The following DENND1A variants were observed in gnomAD, a reference collection of about 807,000 sequenced individuals.
DENND1A encodes the protein DENN domain containing 1A.
Under a neutral mutation model 113.7 loss-of-function variants are expected in DENND1A, and 51 were observed. The observed-to-expected ratio is 0.45, with a 90% CI of 0.36 to 0.57. The LOEUF is 0.57. Ranked by LOEUF, DENND1A falls within the 20% of genes least tolerant of loss-of-function variation. The probability of loss-of-function intolerance (pLI) is 0.00; values close to 1 mark genes in which losing one functional copy is unlikely to be tolerated. For synonymous variants in DENND1A, 565 were observed against 570.8 expected, an observed-to-expected ratio of 0.99 and a Z score of 0.14; for missense variants, 1,258 against 1,395.9, an observed-to-expected ratio of 0.90 and a Z score of 1.57.
intron 7 of DENND1A, among the ~76,000 whole-genome samples, chr9:123,670,873 A>G (rs1244221278): frequency 1.3e-5 from 2 of 152,202 alleles, no homozygotes. Context: ...TTACCCTGGC[A>G]AACAGGGGAG....
chr9:123,678,351 C>G (rs1259708287), intron 5 of DENND1A, among the ~76,000 whole-genome samples: 1 of 152,140 alleles, frequency 6.6e-6, no homozygotes, highest in African/African-American at 2.4e-5. Flanking sequence ...GTATCCACAC[C>G]CCCAAGCAGT....
intron 13 of DENND1A, among the ~76,000 whole-genome samples, chr9:123,507,861 T>G (rs533809829): frequency 6.6e-6 from 1 of 152,010 alleles, no homozygotes; most frequent in African/African-American, 2.4e-5. Flanking sequence ...AATAAATATT[T>G]TTTGTCTTAA....
intron 1 of DENND1A, among the ~76,000 whole-genome samples, chr9:123,923,576 T>C (rs974955308): frequency 3.9e-5 from 6 of 152,224 alleles, no homozygotes. Flanking sequence ...ATTTTGGCAA[T>C]GGGATCCTTT....
chr9:123,566,934 CACACACAA>C (rs1482358240), intron 12 of DENND1A, among the ~76,000 whole-genome samples: 1 of 151,848 alleles, frequency 6.6e-6, no homozygotes, highest in African/African-American at 2.4e-5. Context: ...CACACACACA[CACACACAA>C]ACACACACAC....
chr9:123,645,458 C>T (rs2062267286), intron 9 of DENND1A, among the ~76,000 whole-genome samples: 1 of 152,102 alleles, frequency 6.6e-6, no homozygotes, highest in Non-Finnish European at 1.5e-5. Flanking sequence ...TAAAAAGCCA[C>T]TCTTAAGGAA....
At chr9:123,608,010 G>A (rs1429639173) in intron 11 of DENND1A, among the ~76,000 whole-genome samples, 1 of 151,982 alleles carries the variant, frequency 6.6e-6, no homozygotes, top group Non-Finnish European at 1.5e-5. Flanking sequence ...TTTTTCATAC[G>A]GGAGCTTTGA....
At chr9:123,796,749 G>T (rs1161476023) in intron 2 of DENND1A, among the ~76,000 whole-genome samples, 1 of 114,398 alleles carries the variant, frequency 8.7e-6, no homozygotes, top group Non-Finnish European at 1.8e-5. Flanking sequence ...TAACTCCTAT[G>T]TGTACATACA....
intron 2 of DENND1A, among the ~76,000 whole-genome samples, chr9:123,830,722 T>G (rs1317422527): frequency 6.6e-6 from 1 of 150,814 alleles, no homozygotes; most frequent in African/African-American, 2.4e-5. Context: ...AACAATTAGT[T>G]GGGTGTGGTG....
intron 19 of DENND1A, chr9:123,414,729 A>C (rs777189631): frequency 1.6e-4 from 189 of 1,155,788 alleles, no homozygotes; most frequent in Non-Finnish European, 2.2e-4. Context: ...ACCACCCATG[A>C]ATATCCCCTG....
chr9:123,460,738 C>G (rs2048461019), intron 13 of DENND1A, among the ~76,000 whole-genome samples: 1 of 152,244 alleles, frequency 6.6e-6, no homozygotes, highest in Non-Finnish European at 1.5e-5. Context: ...CCACACTCCT[C>G]TCCTGTTTCG....
chr9:123,817,393 T>C (rs889692919), intron 2 of DENND1A, among the ~76,000 whole-genome samples: 5 of 152,206 alleles, frequency 3.3e-5, no homozygotes, highest in African/African-American at 1.2e-4. Flanking sequence ...ATAGACACTT[T>C]TATCTGAACA....
At chr9:123,833,630 G>A (rs1369361556) in intron 2 of DENND1A, among the ~76,000 whole-genome samples, 1 of 152,192 alleles carries the variant, frequency 6.6e-6, no homozygotes, top group Non-Finnish European at 1.5e-5. Context: ...CATGTTTGAT[G>A]TAATTATTTA....
intron 5 of DENND1A, among the ~76,000 whole-genome samples, chr9:123,691,919 G>A (rs1171396995): frequency 6.6e-6 from 1 of 152,142 alleles, no homozygotes; most frequent in Admixed American, 6.5e-5. Flanking sequence ...AGCTAACAAA[G>A]GAGCTCCTGT....
intron 12 of DENND1A, among the ~76,000 whole-genome samples, chr9:123,560,247 G>A (rs2163056): frequency 1.3e-4 from 20 of 152,234 alleles, no homozygotes; most frequent in East Asian, 9.6e-4. Flanking sequence ...ATGAAGACAA[G>A]CTGGAAGGAT....
intron 18 of DENND1A, among the ~76,000 whole-genome samples, chr9:123,447,893 C>A (rs76466768): frequency 2.0e-5 from 3 of 152,196 alleles, no homozygotes; most frequent in East Asian, 1.9e-4. Context: ...AGTGCTGGAG[C>A]CCCAAGTCCC....
intron 16 of DENND1A, among the ~76,000 whole-genome samples, chr9:123,453,148 G>A (rs554986155): frequency 5.9e-5 from 9 of 152,304 alleles, no homozygotes; most frequent in Admixed American, 2.6e-4. Flanking sequence ...GGGTTCTGAA[G>A]ACACCAGGCC....
At chr9:123,421,219 G>A (rs138191580) in intron 19 of DENND1A, among the ~76,000 whole-genome samples, 29 of 151,020 alleles carry the variant, frequency 1.9e-4, no homozygotes, top group Middle Eastern at 3.4e-3. Context: ...ACCAGGCCCC[G>A]TGCTAGGAGA....
intron 13 of DENND1A, among the ~76,000 whole-genome samples, chr9:123,511,572 A>G (rs1257618861): frequency 6.6e-6 from 1 of 152,260 alleles, no homozygotes; most frequent in Non-Finnish European, 1.5e-5. Context: ...TGACCACCAT[A>G]GCAGCAGCAC....
At chr9:123,429,474 G>C (rs2045977229) in intron 19 of DENND1A, among the ~76,000 whole-genome samples, 1 of 152,154 alleles carries the variant, frequency 6.6e-6, no homozygotes, top group Non-Finnish European at 1.5e-5. Flanking sequence ...AGAATCGCTT[G>C]AACCTGGGAT....
Sources: allele counts gnomAD v4.1 joint callset (sites outside exome capture counted in the v4.1 genomes callset), GRCh38; gene constraint gnomAD v4.1.1; transcripts MANE v1.5; gene names NCBI Gene and HGNC (gene_info 2026-07-23, HGNC 2026-07-21).